Variants in ABCC4 observed in about 807,000 individuals in gnomAD.
ABCC4 encodes ATP-binding cassette sub-family C member 4.
ABCC4 carries 102 observed loss-of-function variants against 168.5 expected under a neutral mutation model. That is an observed-to-expected ratio of 0.61 (90% CI 0.52 to 0.71). The LOEUF is 0.71. Among genes scored for constraint, ABCC4 ranks in the 30% least tolerant of loss-of-function variants. ABCC4 has a pLI of 0.00. For synonymous variants in ABCC4, 617 were observed against 590.7 expected, an observed-to-expected ratio of 1.04 and a Z score of -0.65; for missense variants, 1,402 against 1,605.8, an observed-to-expected ratio of 0.87 and a Z score of 2.17.
At chr13:95,247,509 A>T in intron 2 of ABCC4, 134 bp downstream of exon 2, 1 of 665,080 alleles carries the variant, frequency 1.5e-6, no homozygotes, top group Non-Finnish European at 2.6e-6. Flanking sequence ...GCCTAGGGGC[A>T]GCCTGAGGAA....
chr13:95,192,906 A>T (rs904659936), intron 9 of ABCC4, among the ~76,000 whole-genome samples: 15 of 152,184 alleles, frequency 9.9e-5, no homozygotes, highest in African/African-American at 3.6e-4. Flanking sequence ...GCAAAAGAGC[A>T]AGACTCTGTC....
chr13:95,220,158 G>T (rs939025214), intron 4 of ABCC4, among the ~76,000 whole-genome samples: 1 of 148,546 alleles, frequency 6.7e-6, no homozygotes, highest in South Asian at 2.2e-4. Context: ...GAACCAACGT[G>T]CCCAGCCTGC....
intron 27 of ABCC4, among the ~76,000 whole-genome samples, chr13:95,048,890 C>T (rs372025959): frequency 3.0e-4 from 45 of 151,618 alleles, no homozygotes; most frequent in African/African-American, 1.1e-3. Context: ...TTCTCATAAA[C>T]GACTTCCATC....
chr13:95,136,536 C>T (rs930186688), intron 19 of ABCC4, among the ~76,000 whole-genome samples: 9 of 152,196 alleles, frequency 5.9e-5, no homozygotes, highest in African/African-American at 2.2e-4. Flanking sequence ...AGGGTATTCC[C>T]AGCATGAACT....
intron 1 of ABCC4, among the ~76,000 whole-genome samples, chr13:95,286,544 T>G (rs1009259417): frequency 6.6e-6 from 1 of 151,922 alleles, no homozygotes; most frequent in Non-Finnish European, 1.5e-5. Flanking sequence ...TTTTAATAGA[T>G]CTTCATTTCT....
intron 20 of ABCC4, among the ~76,000 whole-genome samples, chr13:95,100,352 G>A (rs1236252250): frequency 2.0e-5 from 3 of 152,124 alleles, no homozygotes; most frequent in African/African-American, 7.2e-5. Flanking sequence ...TTGGAACACT[G>A]GTTGCCAGCC....
chr13:95,176,682 C>G (rs1426220983), intron 13 of ABCC4, among the ~76,000 whole-genome samples: 4 of 152,192 alleles, frequency 2.6e-5, no homozygotes, highest in Non-Finnish European at 5.9e-5. Flanking sequence ...CTGTGGCTGA[C>G]TGCCCTCCTC....
In ABCC4 at chr13:95,075,554, G is replaced by A. The variant is rs775263883; in HGVS notation, c.2687-3C>T. The A allele has an allele frequency of 1.6e-5, 26 of 1,613,710 alleles. No homozygotes were observed. In the Admixed American group the frequency reaches 4.2e-4, roughly 26 times the overall value. ...GTGGGAAAACACTGGACTCCGAGCT[G>A]GGGAAACAGACAGAGAAAACAGCTC... On this transcript the variant is annotated splice_region_variant and splice_polypyrimidine_tract_variant and intron_variant, in intron 21 of 30. Coordinates refer to ENST00000645237, the MANE Select transcript of ABCC4 (RefSeq NM_005845.5).
intron 1 of ABCC4, among the ~76,000 whole-genome samples, chr13:95,290,135 GATA>G (rs1566604076): frequency 6.6e-6 from 1 of 151,734 alleles, no homozygotes; most frequent in African/African-American, 2.4e-5. Flanking sequence ...TAGATAGATA[GATA>G]GATAGATAGA....
Position 95,115,745 on chromosome 13 carries a change from T to C in ABCC4, c.2535+177A>G, listed in dbSNP as rs140507489. ...ACTCCCACACACAAGGTATTACTCA[T>C]GCCAACTTAGCCTCTGAGTTATAAC... On this transcript the variant is annotated intron_variant, in intron 20 of 30. Transcript: ENST00000645237. Among the ~76,000 whole-genome samples, 252 of 152,308 alleles carry C rather than the reference T, an allele frequency of 1.7e-3. 1 individual carries two copies. The highest frequency in any genetic ancestry group is 5.1e-3 in the African/African-American group (210 of 41,566).
At chr13:95,235,243 C>T (rs1336580236) in intron 3 of ABCC4, among the ~76,000 whole-genome samples, 1 of 152,122 alleles carries the variant, frequency 6.6e-6, no homozygotes, top group Non-Finnish European at 1.5e-5. Context: ...ATTCATCACT[C>T]ATCTAAAAGA....
chr13:95,163,214 G>A lies in ABCC4; in HGVS notation c.2216C>T (p.Ala739Val), dbSNP rs1203876104. The A allele has an allele frequency of 1.2e-6, 2 of 1,603,884 alleles. No individual in the cohort carries two copies. The highest frequency in any genetic ancestry group is 1.7e-6 in the Non-Finnish European group (2 of 1,173,142). The part of the protein sequence containing the change: ...VLQDWWLSYW[A>V]NKQSMLNVTV... ...GACATTTAGCATACTTTGTTTGTTT[G>A]CCCTATGGAACATGGGGAGAAAAAA... Residue 739 changes from alanine to valine, a missense_variant and splice_region_variant, in exon 18 of 31, where the codon GCA becomes GTA. Transcript: ENST00000645237.
intron 20 of ABCC4, among the ~76,000 whole-genome samples, chr13:95,104,705 A>G (rs754123840): frequency 5.3e-5 from 8 of 152,222 alleles, no homozygotes; most frequent in African/African-American, 7.2e-5. Context: ...AAGGATAAGT[A>G]GCATGAATAC....
chr13:95,131,796 AC>A (rs2035974262), intron 19 of ABCC4, among the ~76,000 whole-genome samples: 1 of 152,108 alleles, frequency 6.6e-6, no homozygotes, highest in Non-Finnish European at 1.5e-5. Context: ...ACCAGAAAAT[AC>A]CAAGTGTTGG....
intron 1 of ABCC4, among the ~76,000 whole-genome samples, chr13:95,295,353 C>CA (rs1232522001): frequency 6.6e-6 from 1 of 151,714 alleles, no homozygotes; most frequent in African/African-American, 2.4e-5. Flanking sequence ...TGGTCTCTAC[C>CA]AAAAATGTAT....
At chr13:95,273,100 T>C (rs2040885248) in intron 1 of ABCC4, among the ~76,000 whole-genome samples, 1 of 152,192 alleles carries the variant, frequency 6.6e-6, no homozygotes, top group Non-Finnish European at 1.5e-5. Context: ...TCTATGGCAA[T>C]TGATTTTTTT....
chr13:95,115,952 C>T lies in ABCC4; in HGVS notation c.2505G>A (p.Leu835=). 3 of 1,613,352 alleles carry T rather than the reference C, an allele frequency of 1.9e-6. No homozygotes were observed. The highest frequency in any genetic ancestry group is 1.3e-5 in the African/African-American group (1 of 75,010). The change falls in exon 20 of 31, where the codon TTG becomes TTA. Residue 835 remains leucine (L), a synonymous_variant. Transcript: ENST00000645237. ...FSKDIGHLDD[L]LPLTFLDFIQ... ...TGAAATCTAAAAACGTCAGCGGCAG[C>T]AAATCATCCAAGTGTCCAATGTCTT...
At chr13:95,211,619 T>TGAAGCAGGTGAAGCTCATG (rs2038959510) in intron 4 of ABCC4, among the ~76,000 whole-genome samples, 1 of 152,012 alleles carries the variant, frequency 6.6e-6, no homozygotes, top group African/African-American at 2.4e-5. Context: ...GAAATGGGGC[T>TGAAGCAGGTGAAGCTCATG]GAAGCAGGTG....
rs762030761 is a variant in ABCC4, at chr13:95,290,997, C to CAAAA, written c.74+10240_74+10243dup. 2.4e-3 allele frequency among the ~76,000 whole-genome samples: 86 copies of CAAAA among 36,430 alleles called. 4 individuals are homozygous for CAAAA. Among genetic ancestry groups the CAAAA allele is most frequent in the East Asian group, 0.015 (17 of 1,128 alleles). The allele number at this position is 36,430 out of a possible 152,430, so 23.9% of individuals were successfully genotyped here. ...TGGGCGACAGAGCAAGACCCTGTCT[C>CAAAA]AAAAAAAAAAAAAGAGGAAACCATG... On this transcript the variant is annotated intron_variant, in intron 1 of 30. Coordinates refer to ENST00000645237, the MANE Select transcript of ABCC4 (RefSeq NM_005845.5).
Sources: gnomAD v4.1 joint callset for allele counts (sites outside exome capture counted in the v4.1 genomes callset) on GRCh38, gnomAD v4.1.1 for gene constraint, MANE v1.5 for transcripts, NCBI Gene and HGNC (gene_info 2026-07-23, HGNC 2026-07-21) for gene names.